The following FRMD5 variants were observed in gnomAD, a reference collection of about 807,000 sequenced individuals.
FRMD5 encodes FERM domain-containing protein 5.
In FRMD5, 20 loss-of-function variants were observed where a neutral mutation model predicts 69.0. The observed-to-expected ratio is 0.29, with a 90% confidence interval of 0.20 to 0.42. The LOEUF is 0.42. Ranked by LOEUF, FRMD5 falls within the 10% of genes least tolerant of loss-of-function variation. The pLI, the probability that FRMD5 is intolerant of heterozygous loss-of-function variation, is 1.00. For synonymous variants in FRMD5, 271 were observed against 260.1 expected (o/e 1.04, Z -0.40); for missense variants, 595 against 708.6 (o/e 0.84, Z 1.82).
chr15:43,968,209 A>C (rs920697804), intron 1 of FRMD5, among the ~76,000 whole-genome samples: 3 of 152,112 alleles, frequency 2.0e-5, no homozygotes, highest in Non-Finnish European at 4.4e-5. Context: ...TCTGTACCCC[A>C]ACCGCCCCCA....
At chr15:44,005,368 T>A (rs1595613425) in intron 1 of FRMD5, among the ~76,000 whole-genome samples, 1 of 147,432 alleles carries the variant, frequency 6.8e-6, no homozygotes. Context: ...CTACTCGGGA[T>A]GCTGAGGCAG....
chr15:43,883,831 C>T (rs1462383670), intron 12 of FRMD5, 22 bp from the exon 13 acceptor site: 1 of 1,578,886 alleles, frequency 6.3e-7, no homozygotes, highest in African/African-American at 1.3e-5. Flanking sequence ...GAAAAAGAAC[C>T]TTGTTAATTC....
In FRMD5 at chr15:43,910,052, G is replaced by A. The variant is rs2089257666; in HGVS notation, c.330-73C>T. On this transcript the variant is annotated intron_variant, in intron 4 of 13. Transcript: ENST00000417257. ...TTAAAGATAGAAATATGTATTGTAA[G>A]CCTATCAAAATCTTTGTCAGGATAC... is the stretch of plus-strand genomic sequence containing the variant. The A allele has an allele frequency of 3.7e-6, 3 of 819,250 alleles. No homozygotes were observed. In the East Asian group the frequency reaches 7.7e-5, roughly 21 times the overall value. 50.7% of individuals were successfully genotyped at this position (819,250 alleles called of 1,614,324 possible).
chr15:44,006,139 C>A (rs568850213), intron 1 of FRMD5, among the ~76,000 whole-genome samples: 9 of 152,282 alleles, frequency 5.9e-5, no homozygotes, highest in African/African-American at 1.7e-4. Context: ...TGACTTTAAA[C>A]TGAGGCCCAA....
At chr15:43,963,011 C>T (rs182134147) in intron 1 of FRMD5, among the ~76,000 whole-genome samples, 9 of 152,296 alleles carry the variant, frequency 5.9e-5, no homozygotes, top group African/African-American at 2.2e-4. Flanking sequence ...GACTTCATGT[C>T]TAAAACACCA....
chr15:44,007,637 A>ATTTTTTTTTTTTTTTTT (rs35512441), intron 1 of FRMD5, among the ~76,000 whole-genome samples: 2 of 81,144 alleles, frequency 2.5e-5, no homozygotes, highest in Non-Finnish European at 4.3e-5. Context: ...TAATTAACTA[A>ATTTTTTTTTTTTTTTTT]TTTTTTTTTT....
chr15:44,022,958 T>C (rs1196631337), intron 1 of FRMD5, among the ~76,000 whole-genome samples: 1 of 152,154 alleles, frequency 6.6e-6, no homozygotes, highest in East Asian at 1.9e-4. Flanking sequence ...AAAATGACCC[T>C]GGAGGTTAAG....
chr15:44,141,029 T>A (rs7174721), intron 1 of FRMD5, among the ~76,000 whole-genome samples: 84 of 151,782 alleles, frequency 5.5e-4, no homozygotes, highest in Middle Eastern at 3.4e-3. Flanking sequence ...TGTAATTTTT[T>A]AAAAAAAACC....
intron 1 of FRMD5, among the ~76,000 whole-genome samples, chr15:43,976,931 A>G (rs781399618): frequency 2.6e-5 from 4 of 151,988 alleles, no homozygotes; most frequent in African/African-American, 4.8e-5. Flanking sequence ...CCTGGGTTCA[A>G]GTGATTCTCC....
At chr15:44,069,355 C>T (rs996679778) in intron 1 of FRMD5, among the ~76,000 whole-genome samples, 3 of 152,102 alleles carry the variant, frequency 2.0e-5, no homozygotes, top group Non-Finnish European at 4.4e-5. Context: ...AAAACCTATG[C>T]TCACACAAAA....
chr15:43,969,807 G>C (rs1421553273), intron 1 of FRMD5, among the ~76,000 whole-genome samples: 4 of 152,204 alleles, frequency 2.6e-5, no homozygotes, highest in Non-Finnish European at 4.4e-5. Flanking sequence ...AAGAAGAGAT[G>C]AATGATACTA....
chr15:44,047,453 C>T (rs1306200025), intron 1 of FRMD5, among the ~76,000 whole-genome samples: 1 of 151,924 alleles, frequency 6.6e-6, no homozygotes, highest in Non-Finnish European at 1.5e-5. Context: ...TGTTCCTAGG[C>T]CTGTGGAAAG....
chr15:44,123,760 AAG>A, intron 1 of FRMD5, among the ~76,000 whole-genome samples: 1 of 152,194 alleles, frequency 6.6e-6, no homozygotes, highest in Non-Finnish European at 1.5e-5. Flanking sequence ...AATTTTGAAA[AAG>A]AAAATACAAA....
intron 1 of FRMD5, among the ~76,000 whole-genome samples, chr15:44,021,634 T>C (rs1238050435): frequency 1.3e-5 from 2 of 152,140 alleles, no homozygotes; most frequent in African/African-American, 4.8e-5. Context: ...AGGATGGCTA[T>C]TACTAAAAAA....
intron 1 of FRMD5, among the ~76,000 whole-genome samples, chr15:43,946,377 CAT>C (rs1566853024): frequency 6.6e-6 from 1 of 152,174 alleles, no homozygotes; most frequent in African/African-American, 2.4e-5. Flanking sequence ...GAGGAAATAA[CAT>C]AGGCTGGAAA....
At chr15:44,174,637 A>T (rs1415575831) in intron 1 of FRMD5, among the ~76,000 whole-genome samples, 1 of 152,204 alleles carries the variant, frequency 6.6e-6, no homozygotes, top group East Asian at 1.9e-4. Context: ...GTAAAAGAAA[A>T]TTTTTAAAAT....
chr15:43,996,324 G>A (rs1433555337), intron 1 of FRMD5, among the ~76,000 whole-genome samples: 1 of 152,180 alleles, frequency 6.6e-6, no homozygotes, highest in Non-Finnish European at 1.5e-5. Context: ...TACTGGGACA[G>A]GCCCAGTGTT....
At chr15:44,055,278 C>T (rs1458078242) in intron 1 of FRMD5, among the ~76,000 whole-genome samples, 1 of 151,990 alleles carries the variant, frequency 6.6e-6, no homozygotes, top group Non-Finnish European at 1.5e-5. Context: ...GACTCTGGCA[C>T]CTTATAGACT....
intron 1 of FRMD5, among the ~76,000 whole-genome samples, chr15:43,958,285 G>A (rs2090145270): frequency 6.6e-6 from 1 of 151,776 alleles, no homozygotes. Flanking sequence ...ATGCCTTTGA[G>A]GACCATGCCT....
Sources: gnomAD v4.1 joint callset for allele counts (sites outside exome capture counted in the v4.1 genomes callset) on GRCh38, gnomAD v4.1.1 for gene constraint, MANE v1.5 for transcripts, NCBI Gene and HGNC (gene_info 2026-07-23, HGNC 2026-07-21) for gene names.